Variants in SNN observed in about 807,000 individuals in gnomAD.
The protein encoded by SNN is AG8_1.
In SNN, 5 loss-of-function variants were observed where a neutral mutation model predicts 5.3. The observed-to-expected ratio is 0.94, with a 90% CI of 0.49 to 1.97. SNN has a LOEUF of 1.97. Among genes scored for constraint, SNN ranks in the 30% most tolerant of loss-of-function variants. The probability of loss-of-function intolerance (pLI) is 0.01; values close to 1 mark genes in which losing one functional copy is unlikely to be tolerated. For missense variants in SNN, 127 were observed against 121.6 expected (o/e 1.04, Z -0.21); for synonymous variants, 67 against 52.1 (o/e 1.29, Z -1.24).
In SNN at chr16:11,678,960, A is replaced by AT; in HGVS notation, c.*2640dup. 1 of 534,262 alleles carries AT rather than the reference A, an allele frequency of 1.9e-6. No homozygotes were observed. Among genetic ancestry groups the AT allele is most frequent in the Non-Finnish European group, 3.3e-6 (1 of 298,830 alleles). 33.1% of individuals were successfully genotyped at this position (534,262 alleles called of 1,614,324 possible). A position where few individuals can be genotyped will look rare whatever the true frequency, so the allele number is the denominator to read the frequency against. ...CACTGAGCCACTAAAATATGGACTA[A>AT]TTTTTTGGACAAATCTTCAAACGGA... On this transcript the variant is annotated 3_prime_UTR_variant, in exon 2 of 2. Coordinates refer to ENST00000329565, the MANE Select transcript of SNN (RefSeq NM_003498.6).
Position 11,676,499 on chromosome 16 carries a change from T to G in SNN, c.*173T>G. 1 of 799,002 alleles carries G rather than the reference T, an allele frequency of 1.3e-6. No individual in the cohort carries two copies. Among genetic ancestry groups the G allele is most frequent in the Admixed American group, 2.9e-5 (1 of 34,456 alleles). 49.5% of individuals were successfully genotyped at this position (799,002 alleles called of 1,614,324 possible). A position where few individuals can be genotyped will look rare whatever the true frequency, so the allele number is the denominator to read the frequency against. ...CCCGGGGACCTGGCTGTCCTGGGCT[T>G]CCCCTCGGCCTCCAGGTGAGGCTGC... On this transcript the variant is annotated 3_prime_UTR_variant, in exon 2 of 2. Transcript: ENST00000329565.
rs559111469 is a variant in SNN, at chr16:11,675,512, C to T, written c.-85-463C>T. On this transcript the variant is annotated intron_variant, in intron 1 of 1. Coordinates refer to ENST00000329565, the MANE Select transcript of SNN (RefSeq NM_003498.6). ...AAACTCCTGGGCTCAAGTGATCTGC[C>T]GGCCTCAGCCTTCCAAAGTGCTGGA... Among the ~76,000 whole-genome samples, 3 of 152,284 alleles carry T rather than the reference C, an allele frequency of 2.0e-5. No individual in the cohort carries two copies. In the East Asian group the frequency reaches 5.8e-4, roughly 29 times the overall value.
At chr16:11,669,077 G>A (rs1407324022) in intron 1 of SNN, among the ~76,000 whole-genome samples, 1 of 152,160 alleles carries the variant, frequency 6.6e-6, no homozygotes, top group African/African-American at 2.4e-5. Flanking sequence ...CGCCTCCGTC[G>A]GGCCGATTCG....
At position 11,677,409 on chromosome 16, in the gene SNN, C is replaced by G. The variant is rs1168067785; in HGVS notation, c.*1083C>G. The G allele has an allele frequency of 6.0e-6, 1 of 167,140 alleles. No individual in the cohort carries two copies. The highest frequency in any genetic ancestry group is 1.5e-5 in the Non-Finnish European group (1 of 68,184). 10.4% of individuals were successfully genotyped at this position (167,140 alleles called of 1,614,324 possible). On this transcript the variant is annotated 3_prime_UTR_variant, in exon 2 of 2. Coordinates refer to ENST00000329565, the MANE Select transcript of SNN (RefSeq NM_003498.6). This position sits in a 1 kb window ranked among gnomAD's most constrained non-coding sequence, Gnocchi z 4.2. Reference sequence around the variant, plus strand: ...TGACCGTCCGCCTATGGGGTTCTGACTTCACTTTCCTCAGCGGGTCTCCAG... The same window carrying G: ...TGACCGTCCGCCTATGGGGTTCTGAGTTCACTTTCCTCAGCGGGTCTCCAG...
rs995304570 is a variant in SNN at position 11,676,461 on chromosome 16, G to A, written c.*135G>A. ...CATGGCCTCTGCGGGCTTCGTCATC[G>A]CATGCACTGATGCCCGGGGACCTGG... On this transcript the variant is annotated 3_prime_UTR_variant, in exon 2 of 2. Transcript: ENST00000329565. The A allele has an allele frequency of 5.0e-5, 56 of 1,112,860 alleles. No homozygotes were observed. Among genetic ancestry groups the A allele is most frequent in the South Asian group, 3.5e-4 (22 of 62,156 alleles). The allele number at this position is 1,112,860 out of a possible 1,614,324, so 68.9% of individuals were successfully genotyped here.
intron 1 of SNN, among the ~76,000 whole-genome samples, chr16:11,675,251 T>C: frequency 6.7e-6 from 1 of 149,106 alleles, no homozygotes; most frequent in Admixed American, 6.7e-5. Context: ...CTTTTTCTTT[T>C]TTTTTTCTTT....
In SNN at chr16:11,677,040, C is replaced by CTGCCTGGGAGCCAGTGAAGGGCGAG. The variant is rs1234997446; in HGVS notation, c.*716_*740dup. On this transcript the variant is annotated 3_prime_UTR_variant, in exon 2 of 2. Coordinates refer to ENST00000329565, the MANE Select transcript of SNN (RefSeq NM_003498.6). The surrounding 1 kb of genome is among the most constrained non-coding windows in gnomAD (Gnocchi z 4.2). ...AGTTACTGCAGGGAAGCTACCGGAC[C>CTGCCTGGGAGCCAGTGAAGGGCGAG]TGCCTGGGAGCCAGTGAAGGGCGAG... The CTGCCTGGGAGCCAGTGAAGGGCGAG allele has an allele frequency of 7.8e-5, 13 of 167,304 alleles. No homozygotes were observed. In the Admixed American group the frequency reaches 7.8e-4, roughly 10 times the overall value. The allele number at this position is 167,304 out of a possible 1,614,324, so 10.4% of individuals were successfully genotyped here.
Position 11,678,838 on chromosome 16 carries a change from C to G in SNN, c.*2512C>G, listed in dbSNP as rs2050332796. 1 of 254,894 alleles carries G rather than the reference C, an allele frequency of 3.9e-6. No individual in the cohort carries two copies. Among genetic ancestry groups the G allele is most frequent in the South Asian group, 5.0e-5 (1 of 20,172 alleles). 15.8% of individuals were successfully genotyped at this position (254,894 alleles called of 1,614,324 possible). ...CTCTGGATTATTTTTGAATGCCCAACTGTTGCATTCAAGTTTTCTGACTAA... is the reference window on the plus strand; with the variant it reads ...CTCTGGATTATTTTTGAATGCCCAAGTGTTGCATTCAAGTTTTCTGACTAA... On this transcript the variant is annotated 3_prime_UTR_variant, in exon 2 of 2. Coordinates refer to ENST00000329565, the MANE Select transcript of SNN (RefSeq NM_003498.6).
At chr16:11,675,763 A>G (rs2050298254) in intron 1 of SNN, among the ~76,000 whole-genome samples, 1 of 152,174 alleles carries the variant, frequency 6.6e-6, no homozygotes, top group Non-Finnish European at 1.5e-5. Flanking sequence ...CTCTGCCGCC[A>G]GCGAGGGTGA....
chr16:11,676,518 A>T lies in SNN; in HGVS notation c.*192A>T, dbSNP rs914714513. On this transcript the variant is annotated 3_prime_UTR_variant, in exon 2 of 2. Transcript: ENST00000329565. ...TGGGCTTCCCCTCGGCCTCCAGGTG[A>T]GGCTGCCCATTGCAGGCACTGGGCA... 8.8e-6 allele frequency: 6 copies of T among 679,382 alleles called. No individual in the cohort carries two copies. Among genetic ancestry groups the T allele is most frequent in the Non-Finnish European group, 1.3e-5 (5 of 398,932 alleles). 42.1% of individuals were successfully genotyped at this position (679,382 alleles called of 1,614,324 possible).
intron 1 of SNN, among the ~76,000 whole-genome samples, chr16:11,675,354 G>GC (rs1158874664): frequency 7.4e-6 from 1 of 135,122 alleles, no homozygotes; most frequent in Non-Finnish European, 1.5e-5. Context: ...TGCAACCTCT[G>GC]CCCCCCAGCT....
chr16:11,670,712 G>A (rs573883563), intron 1 of SNN, among the ~76,000 whole-genome samples: 1 of 152,242 alleles, frequency 6.6e-6, no homozygotes, highest in South Asian at 2.1e-4. Context: ...GCAAAAGTGA[G>A]TGCTGGTCTG....
In SNN at chr16:11,676,546, C is replaced by T; in HGVS notation, c.*220C>T. The T allele has an allele frequency of 1.7e-6, 1 of 589,372 alleles. No individual in the cohort carries two copies. The highest frequency in any genetic ancestry group is 2.3e-5 in the South Asian group (1 of 43,296). The allele number at this position is 589,372 out of a possible 1,614,324, so 36.5% of individuals were successfully genotyped here. ...CTGCCCATTGCAGGCACTGGGCAGG[C>T]CTGACCTTGCTGGGGCTCATGGCCC... On this transcript the variant is annotated 3_prime_UTR_variant, in exon 2 of 2. Transcript: ENST00000329565.
At chr16:11,673,269 G>A (rs1035955345) in intron 1 of SNN, among the ~76,000 whole-genome samples, 1 of 152,098 alleles carries the variant, frequency 6.6e-6, no homozygotes, top group Admixed American at 6.5e-5. Flanking sequence ...TTGTGGAACC[G>A]GATGGTGGCA....
In SNN at chr16:11,677,579, G is replaced by T. The variant is rs1018732059; in HGVS notation, c.*1253G>T. 1 of 167,046 alleles carries T rather than the reference G, an allele frequency of 6.0e-6. No individual in the cohort carries two copies. The highest frequency in any genetic ancestry group is 1.5e-5 in the Non-Finnish European group (1 of 68,142). The allele number at this position is 167,046 out of a possible 1,614,324, so 10.3% of individuals were successfully genotyped here. A position where few individuals can be genotyped will look rare whatever the true frequency, so the allele number is the denominator to read the frequency against. Reference sequence around the variant, plus strand: ...GGGCAGAGGTGAACTTGAAGTTCAGGACTTGACTCTCCCACAGGTGGTGAG... The same window carrying T: ...GGGCAGAGGTGAACTTGAAGTTCAGTACTTGACTCTCCCACAGGTGGTGAG... On this transcript the variant is annotated 3_prime_UTR_variant, in exon 2 of 2. Transcript: ENST00000329565. This position sits in a 1 kb window ranked among gnomAD's most constrained non-coding sequence, Gnocchi z 4.2.
chr16:11,678,922 A>C lies in SNN; in HGVS notation c.*2596A>C, dbSNP rs997640834. The C allele has an allele frequency of 1.1e-5, 5 of 436,776 alleles. No homozygotes were observed. The highest frequency in any genetic ancestry group is 2.1e-5 in the Non-Finnish European group (5 of 235,540). The allele number at this position is 436,776 out of a possible 1,614,324, so 27.1% of individuals were successfully genotyped here. On this transcript the variant is annotated 3_prime_UTR_variant, in exon 2 of 2. Transcript: ENST00000329565. ...CAGAAGCAACAGTGGGGGCACAGGG[A>C]GGGAACTCTTGACACTGAGCCACTA...
chr16:11,669,872 A>C (rs1053642402), intron 1 of SNN, among the ~76,000 whole-genome samples: 63 of 151,634 alleles, frequency 4.2e-4, no homozygotes, highest in African/African-American at 1.3e-3. Context: ...TTCTGGAGCG[A>C]GTTTCCTCTT....
At chr16:11,669,724 G>T (rs2050254384) in intron 1 of SNN, among the ~76,000 whole-genome samples, 2 of 152,202 alleles carry the variant, frequency 1.3e-5, no homozygotes, top group African/African-American at 4.8e-5. Context: ...CTGTGAAAAT[G>T]ACCAGCGGGT....
At chr16:11,670,709 T>C (rs1401123702) in intron 1 of SNN, among the ~76,000 whole-genome samples, 1 of 152,090 alleles carries the variant, frequency 6.6e-6, no homozygotes, top group East Asian at 1.9e-4. Context: ...GCCGCAAAAG[T>C]GAGTGCTGGT....
Sources: allele counts gnomAD v4.1 joint callset (sites outside exome capture counted in the v4.1 genomes callset), GRCh38; gene constraint gnomAD v4.1.1; non-coding constraint Gnocchi (gnomAD v3.1); transcripts MANE v1.5; gene names NCBI Gene and HGNC (gene_info 2026-07-23, HGNC 2026-07-21).